The following ODAD2 variants were observed in gnomAD, a reference collection of about 807,000 sequenced individuals.
The protein encoded by ODAD2 is outer dynein arm-docking complex subunit 2.
Under a neutral mutation model 106.8 loss-of-function variants are expected in ODAD2, and 89 were observed. The ratio of observed to expected loss-of-function variants is 0.83; its 90% confidence interval spans 0.70 to 0.99. The LOEUF (loss-of-function observed/expected upper bound fraction) is 0.99. Ranked by LOEUF, ODAD2 falls within the 50% of genes least tolerant of loss-of-function variation. The probability of loss-of-function intolerance (pLI) is 0.00; values close to 1 mark genes in which losing one functional copy is unlikely to be tolerated. For missense variants in ODAD2, 1,168 were observed against 1,238.5 expected, an observed-to-expected ratio of 0.94 and a Z score of 0.85; for synonymous variants, 404 against 436.2, an observed-to-expected ratio of 0.93 and a Z score of 0.92.
At chr10:27,958,547 C>T (rs1319276092) in intron 10 of ODAD2, among the ~76,000 whole-genome samples, 1 of 152,178 alleles carries the variant, frequency 6.6e-6, no homozygotes, top group African/African-American at 2.4e-5. Flanking sequence ...CTTTCCCTCC[C>T]TGTATTAACT....
chr10:27,871,479 A>C (rs1185490855), intron 17 of ODAD2, among the ~76,000 whole-genome samples: 1 of 152,150 alleles, frequency 6.6e-6, no homozygotes, highest in Non-Finnish European at 1.5e-5. Flanking sequence ...TAGGGCTTGT[A>C]TGGTTTTAGG....
chr10:27,894,334 A>G (rs1842734196), intron 17 of ODAD2, among the ~76,000 whole-genome samples: 1 of 152,070 alleles, frequency 6.6e-6, no homozygotes, highest in Non-Finnish European at 1.5e-5. Context: ...TTCCAAGTAC[A>G]CATAACCTCC....
chr10:27,962,674 A>C (rs889033075), intron 9 of ODAD2, among the ~76,000 whole-genome samples: 11 of 152,232 alleles, frequency 7.2e-5, no homozygotes, highest in African/African-American at 2.4e-4. Flanking sequence ...CATGGACAAC[A>C]GTATTACAAG....
chr10:27,886,875 T>A (rs1025580739), intron 17 of ODAD2, among the ~76,000 whole-genome samples: 5 of 151,550 alleles, frequency 3.3e-5, no homozygotes, highest in African/African-American at 1.2e-4. Context: ...AAAATAACCA[T>A]AAAATATACA....
intron 1 of ODAD2, among the ~76,000 whole-genome samples, chr10:27,998,612 C>G (rs1217618427): frequency 6.8e-6 from 1 of 148,138 alleles, no homozygotes; most frequent in East Asian, 2.0e-4. Context: ...GGCAGGGTCT[C>G]GCGGGGAGGA....
intron 19 of ODAD2, among the ~76,000 whole-genome samples, chr10:27,821,240 C>G (rs1836585024): frequency 6.6e-6 from 1 of 152,028 alleles, no homozygotes; most frequent in African/African-American, 2.4e-5. Flanking sequence ...GAAGTACCCC[C>G]AAGACCCTCT....
intron 17 of ODAD2, among the ~76,000 whole-genome samples, chr10:27,882,253 T>G (rs528714679): frequency 6.7e-6 from 1 of 149,522 alleles, no homozygotes; most frequent in African/African-American, 2.5e-5. Flanking sequence ...CTCTCTGATC[T>G]CATTCTCAAT....
At chr10:27,831,691 C>T (rs1837488638) in intron 19 of ODAD2, among the ~76,000 whole-genome samples, 1 of 152,256 alleles carries the variant, frequency 6.6e-6, no homozygotes, top group Admixed American at 6.5e-5. Context: ...GGCAGCTGGC[C>T]TGGCCTCATT....
chr10:27,901,976 T>C (rs193164217), intron 17 of ODAD2, among the ~76,000 whole-genome samples: 5,841 of 152,008 alleles, frequency 0.038, 160 homozygotes, highest in Non-Finnish European at 0.059. Flanking sequence ...TCTACATAAC[T>C]CTCCACCCCA....
intron 16 of ODAD2, among the ~76,000 whole-genome samples, chr10:27,917,357 G>A (rs1844469054): frequency 6.6e-6 from 1 of 151,986 alleles, no homozygotes; most frequent in African/African-American, 2.4e-5. Context: ...TATGTTTGTG[G>A]GATGAGGCTA....
intron 19 of ODAD2, among the ~76,000 whole-genome samples, chr10:27,847,174 A>G (rs180913700): frequency 0.045 from 6,779 of 152,238 alleles, 488 homozygotes; most frequent in African/African-American, 0.15. Flanking sequence ...AAAATCCTCA[A>G]TAAAATACTG....
rs1379540535 is a variant in ODAD2 at position 27,971,172 on chromosome 10, T to C, written c.1078A>G (p.Arg360Gly). Residue 360 changes from arginine (R) to glycine (G), a missense_variant, in exon 8 of 20, where the codon AGG (arginine) becomes GGG (glycine). Arg to Gly is a moderately radical substitution (Grantham distance 125). Around this residue, in one of 3 missense-constraint regions of ODAD2, gnomAD observed 430 missense variants for 452.2 expected, o/e 0.95. Transcript: ENST00000305242. The part of the protein sequence containing the change: ...SLEKNQINFW[R>G]NQMTKRWEPS... ...TCCCATCTCTTGGTCATTTGATTCC[T>C]CCAAAAATTAATTTGGTTCTTCTCC... is the stretch of plus-strand genomic sequence containing the variant. The C allele has an allele frequency of 1.9e-6, 3 of 1,613,892 alleles. No individual in the cohort carries two copies. The highest frequency in any genetic ancestry group is 4.5e-5 in the East Asian group (2 of 44,888).
chr10:27,907,364 A>AAG (rs1466514432), intron 17 of ODAD2, among the ~76,000 whole-genome samples: 1 of 152,188 alleles, frequency 6.6e-6, no homozygotes, highest in East Asian at 1.9e-4. Flanking sequence ...CTTATCCCTC[A>AAG]AGAGACAAGA....
At chr10:27,880,296 T>C (rs1841614164) in intron 17 of ODAD2, among the ~76,000 whole-genome samples, 1 of 152,224 alleles carries the variant, frequency 6.6e-6, no homozygotes, top group African/African-American at 2.4e-5. Flanking sequence ...TAAATCTATG[T>C]AATACTTAGA....
At chr10:27,825,478 G>A (rs777000468) in intron 19 of ODAD2, among the ~76,000 whole-genome samples, 7 of 152,226 alleles carry the variant, frequency 4.6e-5, no homozygotes, top group African/African-American at 7.2e-5. Context: ...GAACTGACAT[G>A]CCTAATACTG....
At chr10:27,978,501 G>A (rs534001751) in intron 7 of ODAD2, among the ~76,000 whole-genome samples, 1 of 152,204 alleles carries the variant, frequency 6.6e-6, no homozygotes, top group East Asian at 1.9e-4. Flanking sequence ...ACCAAGAAAA[G>A]GAAAACTGGA....
chr10:27,852,811 A>G (rs1346000502), intron 19 of ODAD2, among the ~76,000 whole-genome samples: 1 of 152,020 alleles, frequency 6.6e-6, no homozygotes, highest in Non-Finnish European at 1.5e-5. Context: ...AAATACAAAA[A>G]GTAGTCAGGC....
At chr10:27,981,953 T>C (rs34942945) in intron 6 of ODAD2, 31,127 of 154,892 alleles carry the variant, frequency 0.2, 3,628 homozygotes, top group Middle Eastern at 0.3. Flanking sequence ...GTCATAAAAG[T>C]CTTCAAGGTT....
At chr10:27,964,739 G>C (rs2132894293) in intron 9 of ODAD2, among the ~76,000 whole-genome samples, 1 of 152,244 alleles carries the variant, frequency 6.6e-6, no homozygotes, top group South Asian at 2.1e-4. Context: ...TTGTAGCTCA[G>C]TACCTTGTCC....
Sources: gnomAD v4.1 joint callset for allele counts (sites outside exome capture counted in the v4.1 genomes callset) on GRCh38, gnomAD v4.1.1 for gene constraint, gnomAD v4.1.1 regional missense constraint, MANE v1.5 for transcripts, NCBI Gene and HGNC (gene_info 2026-07-23, HGNC 2026-07-21) for gene names.